The following COL28A1 variants were observed in gnomAD, a reference collection of about 807,000 sequenced individuals.
COL28A1 encodes collagen type XXVIII alpha 1 chain.
In COL28A1, 161 loss-of-function variants were observed where a neutral mutation model predicts 150.2. That is an observed-to-expected ratio of 1.07 (90% CI 0.94 to 1.22). The LOEUF is 1.22. Ranked by LOEUF, COL28A1 falls within the 50% of genes most tolerant of loss-of-function variation. The probability of loss-of-function intolerance (pLI) is 0.00; values close to 1 mark genes in which losing one functional copy is unlikely to be tolerated. For synonymous variants in COL28A1, 552 were observed against 469.7 expected, an observed-to-expected ratio of 1.18 and a Z score of -2.26; for missense variants, 1,617 against 1,388.3, an observed-to-expected ratio of 1.16 and a Z score of -2.62.
chr7:7,421,202 A>G (rs1318789169), intron 25 of COL28A1, among the ~76,000 whole-genome samples: 1 of 152,240 alleles, frequency 6.6e-6, no homozygotes, highest in Admixed American at 6.5e-5. Context: ...ATTACTGATG[A>G]AAGAAGCCAG....
rs765790019 is a variant in COL28A1, at chr7:7,357,977, T to A, written c.*656A>T. 1.3e-5 allele frequency: 2 copies of A among 152,178 alleles called. No homozygotes were observed. The highest frequency in any genetic ancestry group is 2.4e-5 in the African/African-American group (1 of 41,430). The allele number at this position is 152,178 out of a possible 1,614,324, so 9.4% of individuals were successfully genotyped here. ...TATAAAAACCTTCTTTGTTTTAACA[T>A]ACATTAAACACTTGTTACCAAACAT... On this transcript the variant is annotated 3_prime_UTR_variant, in exon 35 of 35. Transcript: ENST00000399429.
At chr7:7,532,964 A>G in intron 1 of COL28A1, 52 bp from the exon 2 acceptor site, 1 of 1,393,278 alleles carries the variant, frequency 7.2e-7, no homozygotes. Flanking sequence ...GGTGTTTGTT[A>G]TTTTTAAATT....
chr7:7,427,862 T>C (rs1463680812), intron 25 of COL28A1, among the ~76,000 whole-genome samples: 2 of 152,198 alleles, frequency 1.3e-5, no homozygotes, highest in Non-Finnish European at 2.9e-5. Context: ...AGTGCCTAGA[T>C]AGAAGACGGA....
At chr7:7,393,425 C>G (rs1471615946) in intron 27 of COL28A1, among the ~76,000 whole-genome samples, 1 of 152,202 alleles carries the variant, frequency 6.6e-6, no homozygotes, top group East Asian at 1.9e-4. Context: ...TCAGGAGACA[C>G]AGGGTTCAGG....
Position 7,453,467 on chromosome 7 carries a change from G to C in COL28A1, c.1413C>G (p.Pro471=). 1 of 1,302,022 alleles carries C rather than the reference G, an allele frequency of 7.7e-7. No homozygotes were observed. 80.7% of individuals were successfully genotyped at this position (1,302,022 alleles called of 1,614,324 possible). The change falls in exon 17 of 35, where the codon CCC becomes CCG. Residue 471 remains proline, a synonymous_variant. Transcript: ENST00000399429. The part of the protein sequence containing the change: ...GPIGPPGPQG[P]AGQGLPGSKG... ...TGGAACCAGGTAAGCCCTGTCCTGC[G>C]GGCCCTTGTGGACCAGGTGGACCAA...
chr7:7,527,680 C>T (rs577755060), intron 3 of COL28A1, among the ~76,000 whole-genome samples: 2 of 152,102 alleles, frequency 1.3e-5, no homozygotes, highest in Non-Finnish European at 2.9e-5. Context: ...GGGAAAGGGT[C>T]TCATGACAGC....
Position 7,524,446 on chromosome 7 carries a change from A to T in COL28A1, c.682-197T>A, listed in dbSNP as rs540656224. Among the ~76,000 whole-genome samples, 5 of 152,332 alleles carry T rather than the reference A, an allele frequency of 3.3e-5. No individual in the cohort carries two copies. The East Asian group carries it at 9.6e-4, about 29-fold the overall frequency. On this transcript the variant is annotated intron_variant, in intron 3 of 34. Transcript: ENST00000399429. Reference sequence around the variant, plus strand: ...TCCGAGCCATGTAATAATAAGAGATATAACTACCATTAAAAATTAACCTAT... The same window carrying T: ...TCCGAGCCATGTAATAATAAGAGATTTAACTACCATTAAAAATTAACCTAT...
At chr7:7,525,541 A>G (rs930083905) in intron 3 of COL28A1, among the ~76,000 whole-genome samples, 4 of 152,206 alleles carry the variant, frequency 2.6e-5, no homozygotes, top group Non-Finnish European at 4.4e-5. Context: ...TACATACGAT[A>G]AAATAGAAAG....
At chr7:7,353,762 G>A (rs889053926), downstream of COL28A1, among the ~76,000 whole-genome samples, 1 of 152,070 alleles carries the variant, frequency 6.6e-6, no homozygotes, top group African/African-American at 2.4e-5. Context: ...TTTTCTATGT[G>A]GGCAAAATTG....
In COL28A1 at chr7:7,421,196, C is replaced by T. The variant is rs559060836; in HGVS notation, c.1999-1243G>A. On this transcript the variant is annotated intron_variant, in intron 25 of 34. Transcript: ENST00000399429. ...TGAATGAACCTCAAAAACATTATTA[C>T]TGATGAAAGAAGCCAGATATATGAT... Among the ~76,000 whole-genome samples, 49 of 152,202 alleles carry T rather than the reference C, an allele frequency of 3.2e-4. 1 individual carries two copies. The highest frequency in any genetic ancestry group is 3.4e-3 in the Middle Eastern group (1 of 294).
chr7:7,529,035 C>G (rs1782189718), intron 3 of COL28A1, among the ~76,000 whole-genome samples: 1 of 152,066 alleles, frequency 6.6e-6, no homozygotes, highest in South Asian at 2.1e-4. Context: ...GGCGCGATGG[C>G]TCACACCTGT....
intron 27 of COL28A1, among the ~76,000 whole-genome samples, chr7:7,398,398 T>A (rs1341362644): frequency 6.6e-6 from 1 of 152,210 alleles, no homozygotes; most frequent in African/African-American, 2.4e-5. Flanking sequence ...ATTGGACAAG[T>A]AGCAAATGAA....
intron 25 of COL28A1, among the ~76,000 whole-genome samples, chr7:7,428,379 G>A (rs1254371271): frequency 6.6e-6 from 1 of 152,136 alleles, no homozygotes; most frequent in Non-Finnish European, 1.5e-5. Flanking sequence ...ACGGTAGGCT[G>A]TACCTGCCCT....
At chr7:7,511,460 T>C (rs1209266984) in intron 8 of COL28A1, among the ~76,000 whole-genome samples, 2 of 152,224 alleles carry the variant, frequency 1.3e-5, no homozygotes, top group Non-Finnish European at 2.9e-5. Context: ...TGTGGTTTAA[T>C]TGAATCCACA....
Position 7,432,620 on chromosome 7 carries a change from T to C in COL28A1, c.1929+12A>G, listed in dbSNP as rs773132357. 43 of 1,613,548 alleles carry C rather than the reference T, an allele frequency of 2.7e-5. 1 individual carries two copies. The highest frequency in any genetic ancestry group is 2.0e-4 in the South Asian group (18 of 91,056). ...AAAAAGGAGGGAGGGAAGAAAAAAA[T>C]GTCCCACTTACAGGCACACCAGGAT... On this transcript the variant is annotated intron_variant, in intron 24 of 34. Transcript: ENST00000399429.
chr7:7,393,801 G>C (rs1782683860), intron 27 of COL28A1, among the ~76,000 whole-genome samples: 1 of 152,136 alleles, frequency 6.6e-6, no homozygotes, highest in African/African-American at 2.4e-5. Flanking sequence ...AGCATCCCAG[G>C]TCAACTTCAG....
intron 15 of COL28A1, among the ~76,000 whole-genome samples, chr7:7,472,333 A>G (rs996689173): frequency 2.6e-5 from 4 of 152,218 alleles, no homozygotes; most frequent in African/African-American, 9.7e-5. Context: ...TTCCAGATAC[A>G]AAATTAATAT....
chr7:7,358,849 TGAA>T, intron 34 of COL28A1, 44 bp from the exon 35 acceptor site: 1 of 1,479,564 alleles, frequency 6.8e-7, no homozygotes, highest in Non-Finnish European at 9.2e-7. Flanking sequence ...TTTCTTATAC[TGAA>T]GACATGAAAA....
chr7:7,484,267 C>A (rs1425080380), intron 13 of COL28A1, among the ~76,000 whole-genome samples: 2 of 151,878 alleles, frequency 1.3e-5, no homozygotes, highest in African/African-American at 4.8e-5. Flanking sequence ...GAAACAGAAA[C>A]CATGGTTGCC....
Sources: gnomAD v4.1 joint callset for allele counts (sites outside exome capture counted in the v4.1 genomes callset) on GRCh38, gnomAD v4.1.1 for gene constraint, MANE v1.5 for transcripts, NCBI Gene and HGNC (gene_info 2026-07-23, HGNC 2026-07-21) for gene names.